PRKCE: variants seen among roughly 807,000 people sequenced by gnomAD.
The protein encoded by PRKCE is protein kinase C epsilon type.
PRKCE carries 16 observed loss-of-function variants against 85.4 expected under a neutral mutation model. The observed-to-expected ratio is 0.19, with a 90% CI of 0.13 to 0.28. PRKCE has a LOEUF of 0.28. Ranked by LOEUF, PRKCE falls within the 10% of genes least tolerant of loss-of-function variation. The probability of loss-of-function intolerance (pLI) is 1.00; values close to 1 mark genes in which losing one functional copy is unlikely to be tolerated. For synonymous variants in PRKCE, 388 were observed against 371.5 expected, an observed-to-expected ratio of 1.04 and a Z score of -0.51; for missense variants, 573 against 975.2, an observed-to-expected ratio of 0.59 and a Z score of 5.49.
chr2:45,744,425 CTTTCTTTCTTTCTTTCTTT>C, intron 1 of PRKCE, among the ~76,000 whole-genome samples: 1 of 21,730 alleles, frequency 4.6e-5, no homozygotes, highest in East Asian at 3.0e-3. Flanking sequence ...TTCTTTCTTT[CTTTCTTTCTTTCTTTCTTT>C]CTTTCTTTCT....
chr2:46,176,652 G>T (rs1245843800), intron 14 of PRKCE, among the ~76,000 whole-genome samples: 1 of 152,130 alleles, frequency 6.6e-6, no homozygotes, highest in African/African-American at 2.4e-5. Flanking sequence ...TTCCAGCAAA[G>T]CAACTGAGCA....
intron 10 of PRKCE, among the ~76,000 whole-genome samples, chr2:46,038,547 A>T (rs1355248155): frequency 6.6e-6 from 1 of 152,004 alleles, no homozygotes; most frequent in African/African-American, 2.4e-5. Flanking sequence ...AAATGATTTG[A>T]TCCACAAAGG....
intron 10 of PRKCE, among the ~76,000 whole-genome samples, chr2:46,053,364 A>G (rs1444143102): frequency 1.3e-5 from 2 of 152,238 alleles, no homozygotes; most frequent in Non-Finnish European, 2.9e-5. Flanking sequence ...AAAATTTACC[A>G]TCTTAACCAG....
At chr2:45,935,191 G>C (rs986393362) in intron 2 of PRKCE, among the ~76,000 whole-genome samples, 1 of 152,170 alleles carries the variant, frequency 6.6e-6, no homozygotes, top group Admixed American at 6.5e-5. Flanking sequence ...ATTGGCAAGT[G>C]AGTACATATA....
At position 45,826,126 on chromosome 2, in the gene PRKCE, A is replaced by T. The variant is rs140237873; in HGVS notation, c.349-16874A>T. Among the ~76,000 whole-genome samples the T allele has an allele frequency of 2.5e-3, 378 of 152,208 alleles. 3 individuals carry two copies. The highest frequency in any genetic ancestry group is 7.9e-3 in the African/African-American group (330 of 41,538). On this transcript the variant is annotated intron_variant, in intron 1 of 14. Coordinates refer to ENST00000306156, the MANE Select transcript of PRKCE (RefSeq NM_005400.3). ...AAGTCAGGCCTTTGCATTTTCAGAC[A>T]CCGGAGCAGATCCTCCTCACCCTCC...
At chr2:45,994,201 T>C (rs996318592) in intron 6 of PRKCE, among the ~76,000 whole-genome samples, 18 of 152,334 alleles carry the variant, frequency 1.2e-4, no homozygotes, top group African/African-American at 4.3e-4. Flanking sequence ...ACAAACCTTC[T>C]GCCTCCACAC....
At chr2:46,082,259 G>A (rs1669153550) in intron 10 of PRKCE, among the ~76,000 whole-genome samples, 1 of 152,136 alleles carries the variant, frequency 6.6e-6, no homozygotes, top group African/African-American at 2.4e-5. Flanking sequence ...AGTTGCTTGG[G>A]CCATAATGGT....
chr2:46,067,446 C>T (rs1259637479), intron 10 of PRKCE, among the ~76,000 whole-genome samples: 7 of 152,186 alleles, frequency 4.6e-5, no homozygotes, highest in African/African-American at 1.2e-4. Flanking sequence ...ACCTGTTAGC[C>T]GAAGGCAGTG....
At chr2:46,089,515 T>C (rs1488495289) in intron 11 of PRKCE, among the ~76,000 whole-genome samples, 5 of 152,228 alleles carry the variant, frequency 3.3e-5, no homozygotes. Context: ...AGACTGGTTG[T>C]TGCATGTTCC....
chr2:45,925,018 G>T (rs891947057), intron 2 of PRKCE, among the ~76,000 whole-genome samples: 9 of 152,192 alleles, frequency 5.9e-5, no homozygotes, highest in African/African-American at 2.2e-4. Flanking sequence ...GGTTCAGTGA[G>T]GGGAAACTGA....
At chr2:46,143,359 G>A (rs1675749972) in intron 11 of PRKCE, among the ~76,000 whole-genome samples, 1 of 152,100 alleles carries the variant, frequency 6.6e-6, no homozygotes, top group African/African-American at 2.4e-5. Context: ...ATGTGACTCA[G>A]TGGGGCCCCA....
chr2:45,789,438 C>T (rs987144179), intron 1 of PRKCE, among the ~76,000 whole-genome samples: 1 of 152,178 alleles, frequency 6.6e-6, no homozygotes, highest in Non-Finnish European at 1.5e-5. Context: ...CTTGGCTCTA[C>T]AAAAATTTTT....
At chr2:45,976,654 G>A in intron 3 of PRKCE, 66 bp downstream of exon 3, 1 of 1,546,230 alleles carries the variant, frequency 6.5e-7, no homozygotes, top group Non-Finnish European at 8.8e-7. Flanking sequence ...GGATGGGGTA[G>A]GGGAGACTAT....
In PRKCE at chr2:45,824,143, A is replaced by G. The variant is rs148304871; in HGVS notation, c.349-18857A>G. On this transcript the variant is annotated intron_variant, in intron 1 of 14. Coordinates refer to ENST00000306156, the MANE Select transcript of PRKCE (RefSeq NM_005400.3). The stretch of plus-strand genomic sequence containing the variant: ...AAGTTTACTATGTTTGTTGGTGGAG[A>G]GGTAATCTTGAGGCAATCAAAGAGA... Among the ~76,000 whole-genome samples, 265 of 152,280 alleles carry G rather than the reference A, an allele frequency of 1.7e-3. 2 individuals carry two copies. In the Middle Eastern group the frequency reaches 0.024, roughly 14 times the overall value.
intron 10 of PRKCE, among the ~76,000 whole-genome samples, chr2:46,071,571 C>A (rs1287402608): frequency 6.6e-6 from 1 of 152,130 alleles, no homozygotes; most frequent in Non-Finnish European, 1.5e-5. Context: ...ACCCCTATAC[C>A]ACACCAATGA....
At chr2:45,789,555 A>C (rs778121189) in intron 1 of PRKCE, among the ~76,000 whole-genome samples, 1 of 152,206 alleles carries the variant, frequency 6.6e-6, no homozygotes, top group Non-Finnish European at 1.5e-5. Context: ...GTTTGAGCCT[A>C]GTAGTTCAAA....
At chr2:45,830,453 A>G (rs545962598) in intron 1 of PRKCE, among the ~76,000 whole-genome samples, 32 of 152,356 alleles carry the variant, frequency 2.1e-4, no homozygotes, top group Non-Finnish European at 3.5e-4. Flanking sequence ...CTCCTAGACT[A>G]TGGAATAAAA....
intron 2 of PRKCE, among the ~76,000 whole-genome samples, chr2:45,970,503 G>A (rs570265142): frequency 6.6e-5 from 10 of 152,046 alleles, no homozygotes; most frequent in African/African-American, 2.2e-4. Context: ...ACAACATCCT[G>A]GATGCTACAT....
intron 2 of PRKCE, among the ~76,000 whole-genome samples, chr2:45,862,615 C>T (rs1693257713): frequency 6.6e-6 from 1 of 152,224 alleles, no homozygotes; most frequent in South Asian, 2.1e-4. Flanking sequence ...GGCTCAGTCA[C>T]TAACTTCTGC....
Sources: allele counts gnomAD v4.1 joint callset (sites outside exome capture counted in the v4.1 genomes callset), GRCh38; gene constraint gnomAD v4.1.1; transcripts MANE v1.5; gene names NCBI Gene and HGNC (gene_info 2026-07-23, HGNC 2026-07-21).